The following F8 variants were observed in gnomAD, a reference collection of about 807,000 sequenced individuals.
F8 encodes the protein antihemophilic factor.
A neutral mutation model predicts 140.6 loss-of-function variants in F8; 12 were observed. That is an observed-to-expected ratio of 0.09 (90% CI 0.05 to 0.14). The LOEUF is 0.14. Among genes scored for constraint, F8 ranks in the 10% least tolerant of loss-of-function variants. F8 has a pLI of 1.00. For synonymous variants in F8, 585 were observed against 614.6 expected, an observed-to-expected ratio of 0.95 and a Z score of 0.71; for missense variants, 1,354 against 1,720.7, an observed-to-expected ratio of 0.79 and a Z score of 3.77.
chrX:154,977,882 A>G (rs1280234500), intron 6 of F8, among the ~76,000 whole-genome samples: 1 of 110,553 alleles, frequency 9.0e-6, no homozygotes, highest in African/African-American at 3.3e-5. Flanking sequence ...GCCTTCTGGG[A>G]CACTGAAGAT....
At chrX:154,903,061 TGTGACATAAA>T (rs2073018101) in intron 18 of F8, among the ~76,000 whole-genome samples, 1 of 112,581 alleles carries the variant, frequency 8.9e-6, no homozygotes, top group South Asian at 3.6e-4. Context: ...GAACTGTATT[TGTGACATAAA>T]GTGACTTTAG....
intron 18 of F8, among the ~76,000 whole-genome samples, chrX:154,903,352 TA>T (rs1271017363): frequency 1.8e-5 from 2 of 111,140 alleles, no homozygotes; most frequent in Non-Finnish European, 3.8e-5. Flanking sequence ...TCTGGCTAAT[TA>T]TTTTTTGTAG....
intron 13 of F8, among the ~76,000 whole-genome samples, chrX:154,941,987 T>C (rs1557279793): frequency 9.5e-6 from 1 of 104,844 alleles, no homozygotes; most frequent in Non-Finnish European, 2.0e-5. Flanking sequence ...AGACACAACA[T>C]ACCAGAATCT....
chrX:154,983,597 T>C (rs1336674343), intron 6 of F8, among the ~76,000 whole-genome samples: 4 of 111,995 alleles, frequency 3.6e-5, no homozygotes, highest in African/African-American at 6.5e-5. Context: ...CCTATTGTTA[T>C]TGTGCTGAGC....
intron 13 of F8, among the ~76,000 whole-genome samples, chrX:154,935,981 A>AACACAC (rs782071576): frequency 0.023 from 2,027 of 88,287 alleles, 32 homozygotes; most frequent in African/African-American, 0.051. Context: ...ATGCCAAAGT[A>AACACAC]ACACACACAC....
At position 154,945,496 on chromosome X, in the gene F8, C is replaced by T. The variant is rs782797383; in HGVS notation, c.2113+2202G>A. On this transcript the variant is annotated intron_variant, in intron 13 of 25. Transcript: ENST00000360256. ...TACATCATATCAACAGAATGAAGGA[C>T]AAAAACAAATGATCATTTCAATTGA... is the stretch of plus-strand genomic sequence containing the variant. Among the ~76,000 whole-genome samples, 3 of 112,151 alleles carry T rather than the reference C, an allele frequency of 2.7e-5. No individual in the cohort carries two copies. The South Asian group carries it at 1.1e-3, about 41-fold the overall frequency.
chrX:154,876,182 C>G (rs782321610), intron 22 of F8, among the ~76,000 whole-genome samples: 1 of 101,977 alleles, frequency 9.8e-6, no homozygotes, highest in Non-Finnish European at 2.0e-5. Context: ...TGCCGTGGCG[C>G]GATCTCGGCT....
chrX:154,907,061 C>A lies in F8; in HGVS notation c.5220-488G>T, dbSNP rs148701060. 5.3e-3 allele frequency among the ~76,000 whole-genome samples: 592 copies of A among 112,080 alleles called. 5 individuals carry two copies. The highest frequency in any genetic ancestry group is 0.018 in the African/African-American group (553 of 30,894). ...CATTGCCAACAACCCACAAGACTCA[C>A]TGGATGTCCCTTTTCAATCATACTT... is the stretch of plus-strand genomic sequence containing the variant. On this transcript the variant is annotated intron_variant, in intron 14 of 25. Transcript: ENST00000360256.
At chrX:155,018,567 C>T (rs1259647011) in intron 1 of F8, among the ~76,000 whole-genome samples, 1 of 110,171 alleles carries the variant, frequency 9.1e-6, no homozygotes, top group African/African-American at 3.3e-5. Flanking sequence ...CATTGGCAAG[C>T]TTATTCAAGG....
chrX:154,921,012 C>T (rs782337041), intron 14 of F8, among the ~76,000 whole-genome samples: 19 of 111,720 alleles, frequency 1.7e-4, no homozygotes, highest in Non-Finnish European at 3.0e-4. Flanking sequence ...TGAAGAACTC[C>T]TACTAGCATT....
At chrX:154,861,974 C>G (rs2072695480) in intron 23 of F8, 108 bp from the exon 24 acceptor site, 25 of 917,933 alleles carry the variant, frequency 2.7e-5, no homozygotes, top group Non-Finnish European at 3.9e-5. Flanking sequence ...AATATCATTT[C>G]TCAGGTTTTA....
At chrX:154,923,512 A>G (rs2073142984) in intron 14 of F8, among the ~76,000 whole-genome samples, 1 of 111,872 alleles carries the variant, frequency 8.9e-6, no homozygotes, top group African/African-American at 3.3e-5. Context: ...GTGATAGTGA[A>G]TAAGTCTCAT....
At chrX:155,002,612 TACACACAC>T (rs368675926) in intron 1 of F8, among the ~76,000 whole-genome samples, 10 of 98,629 alleles carry the variant, frequency 1.0e-4, no homozygotes, top group South Asian at 9.9e-4. Context: ...GGCATATATT[TACACACAC>T]ACACACACAC....
At chrX:154,954,155 G>T in intron 11 of F8, 113 bp from the exon 12 acceptor site, 1 of 815,102 alleles carries the variant, frequency 1.2e-6, no homozygotes, top group Non-Finnish European at 1.8e-6. Context: ...TAATCCATTG[G>T]TTTAATTCCA....
intron 14 of F8, among the ~76,000 whole-genome samples, chrX:154,917,435 T>C (rs2073103805): frequency 8.9e-6 from 1 of 111,796 alleles, no homozygotes; most frequent in Admixed American, 9.5e-5. Context: ...CTTATTTGGG[T>C]TGAATCTGTT....
chrX:154,945,953 C>T (rs2073301526), intron 13 of F8, among the ~76,000 whole-genome samples: 1 of 111,338 alleles, frequency 9.0e-6, no homozygotes, highest in African/African-American at 3.3e-5. Flanking sequence ...CAAGAGCTAA[C>T]AACCTAAAAA....
chrX:155,016,543 A>T (rs187532564), intron 1 of F8, among the ~76,000 whole-genome samples: 2 of 112,927 alleles, frequency 1.8e-5, no homozygotes, highest in African/African-American at 6.4e-5. Context: ...TTATGATATA[A>T]TCCCATAATG....
intron 22 of F8, among the ~76,000 whole-genome samples, chrX:154,893,823 T>A (rs1190925765): frequency 8.9e-6 from 1 of 112,123 alleles, no homozygotes; most frequent in Non-Finnish European, 1.9e-5. Flanking sequence ...CTGTTCTTTG[T>A]GGAGGGAAAT....
At chrX:154,938,496 A>G (rs2073236117) in intron 13 of F8, among the ~76,000 whole-genome samples, 2 of 112,335 alleles carry the variant, frequency 1.8e-5, no homozygotes, top group African/African-American at 6.5e-5. Flanking sequence ...GAAAATATTT[A>G]AAATATGTAG....
Sources: allele counts gnomAD v4.1 joint callset (sites outside exome capture counted in the v4.1 genomes callset), GRCh38; gene constraint gnomAD v4.1.1; transcripts MANE v1.5; gene names NCBI Gene and HGNC (gene_info 2026-07-23, HGNC 2026-07-21).